The following ADGRF5 variants were observed in gnomAD, a reference collection of about 807,000 sequenced individuals.
ADGRF5 encodes the protein adhesion G protein-coupled receptor F5.
A neutral mutation model predicts 132.3 loss-of-function variants in ADGRF5; 75 were observed. That is an observed-to-expected ratio of 0.57 (90% CI 0.47 to 0.69). ADGRF5 has a LOEUF of 0.69. Among genes scored for constraint, ADGRF5 ranks in the 30% least tolerant of loss-of-function variants. The pLI, the probability that ADGRF5 is intolerant of heterozygous loss-of-function variation, is 0.00. For missense variants in ADGRF5, 1,516 were observed against 1,630.6 expected (o/e 0.93, Z 1.21); for synonymous variants, 629 against 597.6 (o/e 1.05, Z -0.77).
At chr6:46,913,719 C>A (rs893512394) in intron 1 of ADGRF5, among the ~76,000 whole-genome samples, 1 of 152,092 alleles carries the variant, frequency 6.6e-6, no homozygotes, top group African/African-American at 2.4e-5. Context: ...ATGAAACTCA[C>A]GAAATTTGTT....
chr6:46,953,651 G>GTGTGTATATATA (rs1373212107), intron 1 of ADGRF5, among the ~76,000 whole-genome samples: 43 of 42,178 alleles, frequency 1.0e-3, no homozygotes, highest in African/African-American at 2.9e-3. Context: ...AGATATATGT[G>GTGTGTATATATA]TATATATATA....
At chr6:46,877,400 T>C (rs543643266) in intron 10 of ADGRF5, among the ~76,000 whole-genome samples, 5 of 150,342 alleles carry the variant, frequency 3.3e-5, no homozygotes, top group Non-Finnish European at 7.4e-5. Flanking sequence ...TTCTTTTTTT[T>C]CATATTTGAC....
chr6:46,883,953 G>A (rs533355445), intron 5 of ADGRF5, 142 bp downstream of exon 5: 1 of 753,432 alleles, frequency 1.3e-6, no homozygotes, highest in African/African-American at 1.7e-5. Context: ...TGTTGGCCAG[G>A]CTGCTGTCAA....
At chr6:46,881,730 G>GAAGAAAGA in intron 7 of ADGRF5, 133 bp from the exon 8 acceptor site, 1 of 705,516 alleles carries the variant, frequency 1.4e-6, no homozygotes, top group Non-Finnish European at 2.4e-6. Flanking sequence ...GATCTGACTG[G>GAAGAAAGA]CCAGCAGGAT....
At chr6:46,928,035 G>A (rs1259251274) in intron 1 of ADGRF5, among the ~76,000 whole-genome samples, 1 of 152,140 alleles carries the variant, frequency 6.6e-6, no homozygotes, top group Non-Finnish European at 1.5e-5. Flanking sequence ...CTCTAACCAG[G>A]GAAATACTGA....
At position 46,876,219 on chromosome 6, in the gene ADGRF5, C is replaced by T. The variant is rs143839612; in HGVS notation, c.1240+1983G>A. 5.2e-4 allele frequency among the ~76,000 whole-genome samples: 79 copies of T among 152,348 alleles called. No homozygotes were observed. In the East Asian group the frequency reaches 0.014, roughly 28 times the overall value. On this transcript the variant is annotated intron_variant, in intron 10 of 20. Coordinates refer to ENST00000283296, the MANE Select transcript of ADGRF5 (RefSeq NM_001098518.2). ...GAGGCTAAATCCATCAGAGAAACCA[C>T]GGTGCAGGTCCCCAGGCTGCCAGCC...
chr6:46,921,343 C>T (rs1002046538), intron 1 of ADGRF5, among the ~76,000 whole-genome samples: 3 of 152,018 alleles, frequency 2.0e-5, no homozygotes, highest in African/African-American at 7.2e-5. Context: ...CTGAAATGCT[C>T]TTGGCAAGAG....
chr6:46,856,646 C>T (rs2150774149), intron 19 of ADGRF5, 72 bp downstream of exon 19: 3 of 976,782 alleles, frequency 3.1e-6, no homozygotes, highest in Middle Eastern at 3.3e-4. Context: ...AAATTTAGTA[C>T]TCTGTACTTC....
At chr6:46,869,123 G>A in intron 11 of ADGRF5, 31 bp from the exon 12 acceptor site, 1 of 1,599,424 alleles carries the variant, frequency 6.3e-7, no homozygotes, top group Non-Finnish European at 8.6e-7. Flanking sequence ...ACAGACAAAA[G>A]AAAACTGACA....
intron 1 of ADGRF5, among the ~76,000 whole-genome samples, chr6:46,943,730 A>G (rs1352098543): frequency 1.3e-5 from 2 of 152,206 alleles, no homozygotes; most frequent in Non-Finnish European, 1.5e-5. Flanking sequence ...AAATTGAAAA[A>G]TTTGAGGCAG....
intron 1 of ADGRF5, among the ~76,000 whole-genome samples, chr6:46,911,780 T>G (rs1259310365): frequency 1.3e-5 from 2 of 152,208 alleles, no homozygotes; most frequent in Admixed American, 1.3e-4. Flanking sequence ...CTGTTACATG[T>G]TAAGAGTTCT....
At chr6:46,902,753 T>C (rs1774904503) in intron 2 of ADGRF5, among the ~76,000 whole-genome samples, 1 of 152,222 alleles carries the variant, frequency 6.6e-6, no homozygotes, top group African/African-American at 2.4e-5. Flanking sequence ...AGCAGCCTAC[T>C]TACTATTTTA....
intron 14 of ADGRF5, 82 bp downstream of exon 14, chr6:46,864,960 A>G (rs1770243041): frequency 2.2e-6 from 2 of 902,770 alleles, no homozygotes; most frequent in African/African-American, 3.3e-5. Context: ...TGTTTATTGA[A>G]TGGGGATGAA....
chr6:46,944,976 A>G (rs1486536621), intron 1 of ADGRF5, among the ~76,000 whole-genome samples: 1 of 152,206 alleles, frequency 6.6e-6, no homozygotes, highest in Non-Finnish European at 1.5e-5. Flanking sequence ...CAGTAAATCA[A>G]TCTCCATGGC....
At chr6:46,874,495 T>A (rs1329291073) in intron 10 of ADGRF5, among the ~76,000 whole-genome samples, 1 of 152,148 alleles carries the variant, frequency 6.6e-6, no homozygotes, top group Non-Finnish European at 1.5e-5. Flanking sequence ...GAAGTCAATA[T>A]GTTATGTAGA....
rs768172273 is a variant in ADGRF5 at position 46,900,017 on chromosome 6, G to A, written c.157+12C>T. 4.0e-5 allele frequency: 63 copies of A among 1,590,434 alleles called. 2 individuals carry two copies. The South Asian group carries it at 6.4e-4, about 16-fold the overall frequency. ...ACTTATAAAAGGGATTGCCAAGCAA[G>A]AGTTTACATACCGGCTCGTTTTTGC... On this transcript the variant is annotated intron_variant, in intron 3 of 20. Transcript: ENST00000283296.
At chr6:46,877,236 T>A (rs1020356023) in intron 10 of ADGRF5, among the ~76,000 whole-genome samples, 1 of 26,754 alleles carries the variant, frequency 3.7e-5, no homozygotes, top group African/African-American at 2.3e-4. Context: ...TCTTTCTTTC[T>A]TTCTTTCTTT....
At chr6:46,941,011 G>T (rs1778026540) in intron 1 of ADGRF5, among the ~76,000 whole-genome samples, 1 of 152,058 alleles carries the variant, frequency 6.6e-6, no homozygotes, top group African/African-American at 2.4e-5. Context: ...TCAAAAATGT[G>T]GGCCCCCAAC....
intron 3 of ADGRF5, among the ~76,000 whole-genome samples, chr6:46,894,742 G>C (rs935995925): frequency 6.6e-6 from 1 of 152,150 alleles, no homozygotes; most frequent in Non-Finnish European, 1.5e-5. Context: ...TTTCTCTGCA[G>C]GATTATTGTT....
Sources: allele counts gnomAD v4.1 joint callset (sites outside exome capture counted in the v4.1 genomes callset), GRCh38; gene constraint gnomAD v4.1.1; transcripts MANE v1.5; gene names NCBI Gene and HGNC (gene_info 2026-07-23, HGNC 2026-07-21).